Variants in PDYN observed in about 807,000 individuals in gnomAD.
The protein encoded by PDYN is proenkephalin-B.
Under a neutral mutation model 11.4 loss-of-function variants are expected in PDYN, and 5 were observed. The observed-to-expected ratio is 0.44, with a 90% CI of 0.23 to 0.92. PDYN has a LOEUF of 0.92. PDYN is among the 40% of genes least tolerant of loss of function. The pLI is 0.24. For synonymous variants in PDYN, 132 were observed against 129.5 expected, an observed-to-expected ratio of 1.02 and a Z score of -0.13; for missense variants, 337 against 317.3, an observed-to-expected ratio of 1.06 and a Z score of -0.47.
At position 1,982,999 on chromosome 20, in the gene PDYN, C is replaced by A. The variant is rs1987927570; in HGVS notation, c.86G>T (p.Cys29Phe). Residue 29 changes from cysteine (C) to phenylalanine (F), a missense_variant, in exon 3 of 4, where the codon TGT (cysteine) becomes TTT (phenylalanine). Cys to Phe is a radical substitution (Grantham distance 205). Transcript: ENST00000217305. Reference protein sequence around the residue: ...TADCLSRCSLCAVKTQDGPKP... With the variant: ...TADCLSRCSLFAVKTQDGPKP... ...GGGACCATCCTGGGTCTTTACAGCA[C>A]ACAAGGAGCACCGCGACAGGCAGTC... is the stretch of plus-strand genomic sequence containing the variant. 6.2e-7 allele frequency: 1 copy of A among 1,614,066 alleles called. No homozygotes were observed. The highest frequency in any genetic ancestry group is 8.5e-7 in the Non-Finnish European group (1 of 1,179,976).
intron 2 of PDYN, among the ~76,000 whole-genome samples, chr20:1,988,268 T>C (rs1372690682): frequency 6.6e-6 from 1 of 152,182 alleles, no homozygotes; most frequent in African/African-American, 2.4e-5. Context: ...CCTGGAGTTA[T>C]GAATGGGGGA....
chr20:1,982,481 C>A (rs1478018561), intron 3 of PDYN, among the ~76,000 whole-genome samples: 1 of 152,030 alleles, frequency 6.6e-6, no homozygotes, highest in Non-Finnish European at 1.5e-5. Context: ...AAAGGAAAGC[C>A]GACAAGGTAG....
intron 2 of PDYN, among the ~76,000 whole-genome samples, chr20:1,990,836 T>C (rs1003669371): frequency 6.8e-6 from 1 of 147,544 alleles, no homozygotes; most frequent in Non-Finnish European, 1.5e-5. Flanking sequence ...GTTAGAGATA[T>C]AGACACAGAG....
chr20:1,985,003 C>G (rs758765917), intron 2 of PDYN, among the ~76,000 whole-genome samples: 23 of 152,206 alleles, frequency 1.5e-4, no homozygotes, highest in Non-Finnish European at 3.2e-4. Context: ...GTTCTTTCAA[C>G]TGGATCCTCT....
At chr20:1,988,451 G>A (rs2122379705) in intron 2 of PDYN, among the ~76,000 whole-genome samples, 1 of 152,330 alleles carries the variant, frequency 6.6e-6, no homozygotes, top group East Asian at 1.9e-4. Context: ...ATGGGGATTT[G>A]CCAAGGAATG....
chr20:1,979,929 T>A lies in PDYN; in HGVS notation c.*394A>T, dbSNP rs1396984561. ...GCTCATATTTCTTCTAAGAGGGGCA[T>A]GTGATCTGTTAAGTTTGGACATCAT... On this transcript the variant is annotated 3_prime_UTR_variant, in exon 4 of 4. Transcript: ENST00000217305. The A allele has an allele frequency of 3.0e-5, 9 of 300,698 alleles. No homozygotes were observed. Among genetic ancestry groups the A allele is most frequent in the Middle Eastern group, 1.1e-3 (1 of 888 alleles). 18.6% of individuals were successfully genotyped at this position (300,698 alleles called of 1,614,324 possible).
At chr20:1,983,158 G>A in intron 2 of PDYN, 55 bp from the exon 3 acceptor site, 2 of 1,476,230 alleles carry the variant, frequency 1.4e-6, no homozygotes, top group South Asian at 1.2e-5. Context: ...TCTGTAGACT[G>A]TGTTCTGAGC....
intron 2 of PDYN, among the ~76,000 whole-genome samples, chr20:1,984,751 T>A (rs1016252804): frequency 7.2e-5 from 11 of 151,874 alleles, no homozygotes; most frequent in Non-Finnish European, 1.6e-4. Flanking sequence ...ATACAAAAAT[T>A]AGCTGGGAAG....
intron 2 of PDYN, among the ~76,000 whole-genome samples, chr20:1,991,018 G>A (rs974687941): frequency 1.3e-5 from 2 of 151,526 alleles, no homozygotes; most frequent in Non-Finnish European, 2.9e-5. Context: ...AGGGGGTGAG[G>A]AGGAGGGGAA....
intron 3 of PDYN, among the ~76,000 whole-genome samples, chr20:1,981,376 C>A (rs1337976993): frequency 6.6e-6 from 1 of 152,156 alleles, no homozygotes; most frequent in Non-Finnish European, 1.5e-5. Context: ...CAGAGAAGTG[C>A]AGCATGGCAG....
intron 2 of PDYN, among the ~76,000 whole-genome samples, chr20:1,985,394 C>T (rs182523453): frequency 1.3e-5 from 2 of 152,140 alleles, no homozygotes; most frequent in East Asian, 3.9e-4. Context: ...TGTTCTACCT[C>T]GAATAGTGAA....
intron 2 of PDYN, among the ~76,000 whole-genome samples, chr20:1,989,943 GCTA>G (rs1424493911): frequency 1.3e-5 from 2 of 152,152 alleles, no homozygotes; most frequent in Non-Finnish European, 2.9e-5. Flanking sequence ...CGGGGCAGGG[GCTA>G]ATATTACAGC....
intron 2 of PDYN, among the ~76,000 whole-genome samples, chr20:1,987,922 T>C (rs1453913342): frequency 6.6e-6 from 1 of 152,196 alleles, no homozygotes; most frequent in Non-Finnish European, 1.5e-5. Flanking sequence ...TTACTTGAGC[T>C]GTAGGGGATA....
At position 1,985,994 on chromosome 20, in the gene PDYN, C is replaced by T. The variant is rs114780284; in HGVS notation, c.-19-2891G>A. Among the ~76,000 whole-genome samples, 615 of 152,308 alleles carry T rather than the reference C, an allele frequency of 4.0e-3. 8 individuals carry two copies. The highest frequency in any genetic ancestry group is 0.014 in the African/African-American group (596 of 41,562). On this transcript the variant is annotated intron_variant, in intron 2 of 3. Transcript: ENST00000217305. Reference sequence around the variant, plus strand: ...CTTAGCTGCAAAGGTAGGGGACTCACGTTAAGATCTCTTTATCTCAGGCAA... The same window carrying T: ...CTTAGCTGCAAAGGTAGGGGACTCATGTTAAGATCTCTTTATCTCAGGCAA...
chr20:1,992,398 G>T (rs1027956383), intron 2 of PDYN, among the ~76,000 whole-genome samples, 186 bp downstream of exon 2: 1 of 152,148 alleles, frequency 6.6e-6, no homozygotes, highest in African/African-American at 2.4e-5. Context: ...CCCTTTGCCT[G>T]CTCCCTTAAA....
intron 2 of PDYN, among the ~76,000 whole-genome samples, chr20:1,989,726 A>G (rs2122387404): frequency 6.6e-6 from 1 of 152,342 alleles, no homozygotes; most frequent in Non-Finnish European, 1.5e-5. Flanking sequence ...AAAAGGTAGA[A>G]ATGAAGTCAC....
At chr20:1,989,067 C>T (rs756881846) in intron 2 of PDYN, among the ~76,000 whole-genome samples, 3 of 152,154 alleles carry the variant, frequency 2.0e-5, no homozygotes, top group Non-Finnish European at 2.9e-5. Context: ...GTTTGCTGAC[C>T]GTACTTTGAC....
intron 3 of PDYN, 38 bp downstream of exon 3, chr20:1,982,918 A>G (rs371180684): frequency 6.3e-5 from 102 of 1,607,324 alleles, no homozygotes; most frequent in Non-Finnish European, 8.4e-5. Flanking sequence ...GCACAGGTCC[A>G]AGGACCTGGG....
At chr20:1,986,607 G>A (rs987174896) in intron 2 of PDYN, among the ~76,000 whole-genome samples, 2 of 152,310 alleles carry the variant, frequency 1.3e-5, no homozygotes, top group Non-Finnish European at 2.9e-5. Context: ...GTGTCTTATT[G>A]TAAGGGGGTC....
Sources: gnomAD v4.1 joint callset for allele counts (sites outside exome capture counted in the v4.1 genomes callset) on GRCh38, gnomAD v4.1.1 for gene constraint, MANE v1.5 for transcripts, NCBI Gene and HGNC (gene_info 2026-07-23, HGNC 2026-07-21) for gene names.